Variants in PRPF6 observed in about 807,000 individuals in gnomAD.
The protein encoded by PRPF6 is pre-mRNA-processing factor 6.
A neutral mutation model predicts 118.3 loss-of-function variants in PRPF6; 42 were observed. That is an observed-to-expected ratio of 0.35 (90% confidence interval 0.28 to 0.46). The LOEUF is 0.46. PRPF6 is among the 20% of genes least tolerant of loss of function. The probability of loss-of-function intolerance (pLI) is 1.00; values close to 1 mark genes in which losing one functional copy is unlikely to be tolerated. For missense variants in PRPF6, 662 were observed against 1,255.7 expected, an observed-to-expected ratio of 0.53 and a Z score of 7.15; for synonymous variants, 481 against 485.1, an observed-to-expected ratio of 0.99 and a Z score of 0.11.
rs752627203 is a variant in PRPF6, at chr20:64,028,577, G to T, written c.2431+8G>T. ...AGGAGTGCCCCAACTCCGGTAAGGG[G>T]GTGCCCCGACTCCGGTAAGGGGGTG... On this transcript the variant is annotated splice_region_variant and intron_variant, in intron 18 of 20. Coordinates refer to ENST00000266079, the MANE Select transcript of PRPF6 (RefSeq NM_012469.4). This position sits in a 1 kb window ranked among gnomAD's most constrained non-coding sequence, Gnocchi z 6.5. 2.5e-5 allele frequency: 40 copies of T among 1,608,436 alleles called. No individual in the cohort carries two copies. Among genetic ancestry groups the T allele is most frequent in the Non-Finnish European group, 3.2e-5 (38 of 1,177,622 alleles).
rs763145764 is a variant in PRPF6, at chr20:64,026,894, T to C, written c.2029-88T>C. Reference sequence around the variant, plus strand: ...AAGCTTACAAAAGTACACACAGTACTGCAGGTAACAGTGTTGAGGATGAGT... The same window carrying C: ...AAGCTTACAAAAGTACACACAGTACCGCAGGTAACAGTGTTGAGGATGAGT... On this transcript the variant is annotated intron_variant, in intron 15 of 20. Coordinates refer to ENST00000266079, the MANE Select transcript of PRPF6 (RefSeq NM_012469.4). The surrounding 1 kb of genome is among the most constrained non-coding windows in gnomAD (Gnocchi z 4.4). 3 of 1,329,428 alleles carry C rather than the reference T, an allele frequency of 2.3e-6. No homozygotes were observed. Among genetic ancestry groups the C allele is most frequent in the Non-Finnish European group, 3.2e-6 (3 of 923,354 alleles). 82.4% of individuals were successfully genotyped at this position (1,329,428 alleles called of 1,614,324 possible). A position where few individuals can be genotyped will look rare whatever the true frequency, so the allele number is the denominator to read the frequency against.
chr20:63,995,597 C>T (rs1007031776), intron 6 of PRPF6, 115 bp downstream of exon 6: 28 of 1,147,662 alleles, frequency 2.4e-5, no homozygotes, highest in Non-Finnish European at 3.5e-5. Flanking sequence ...TCTCCTCCTC[C>T]TCCTTCTTCT....
At chr20:64,015,239 G>A (rs2059231784) in intron 11 of PRPF6, among the ~76,000 whole-genome samples, 1 of 152,226 alleles carries the variant, frequency 6.6e-6, no homozygotes, top group Non-Finnish European at 1.5e-5. Flanking sequence ...GTCCATGGAG[G>A]AAGAGCCAGC....
At chr20:63,992,316 C>CA (rs2059122184) in intron 3 of PRPF6, among the ~76,000 whole-genome samples, 1 of 152,056 alleles carries the variant, frequency 6.6e-6, no homozygotes, top group African/African-American at 2.4e-5. Flanking sequence ...GGCTGGAGTG[C>CA]AATGGCATGA....
chr20:63,984,800 T>C (rs892701165), intron 2 of PRPF6, 107 bp from the exon 3 acceptor site: 6 of 843,594 alleles, frequency 7.1e-6, no homozygotes, highest in Non-Finnish European at 1.2e-5. Flanking sequence ...CTTCGTTGGC[T>C]GAAGAAAATA....
Position 63,993,486 on chromosome 20 carries a change from G to T in PRPF6, c.438+1G>T, listed in dbSNP as rs113843649. On this transcript the variant is annotated splice_donor_variant, in intron 4 of 20. Coordinates refer to ENST00000266079, the MANE Select transcript of PRPF6 (RefSeq NM_012469.4). LOFTEE classifies it high-confidence loss of function. Reference sequence around the variant, plus strand: ...CCAACAGCAGTTCTCAGACCTCAAGGTGAGCCGATGAAGCGGTGAATGGTG... The same window carrying T: ...CCAACAGCAGTTCTCAGACCTCAAGTTGAGCCGATGAAGCGGTGAATGGTG... 3 of 1,608,982 alleles carry T rather than the reference G, an allele frequency of 1.9e-6. No homozygotes were observed. The highest frequency in any genetic ancestry group is 2.6e-6 in the Non-Finnish European group (3 of 1,175,786).
chr20:64,031,621 C>T lies in PRPF6; in HGVS notation c.2547-297C>T, dbSNP rs190352334. Among the ~76,000 whole-genome samples the T allele has an allele frequency of 8.8e-4, 129 of 146,446 alleles. 2 individuals are homozygous for T. In the East Asian group the frequency reaches 0.019, roughly 22 times the overall value. ...CTGGGAGGCAGAGCTTGCAGTGAGT[C>T]GAGATCGCGCCACTGCACTCCAGCC... On this transcript the variant is annotated intron_variant, in intron 19 of 20. Coordinates refer to ENST00000266079, the MANE Select transcript of PRPF6 (RefSeq NM_012469.4).
At chr20:64,025,553 A>G (rs1272200174) in intron 14 of PRPF6, among the ~76,000 whole-genome samples, 1 of 152,228 alleles carries the variant, frequency 6.6e-6, no homozygotes, top group African/African-American at 2.4e-5. Flanking sequence ...CCCTTCATCA[A>G]GCTCAGGGGA....
At chr20:64,016,383 C>T (rs545250919) in intron 11 of PRPF6, among the ~76,000 whole-genome samples, 4 of 152,064 alleles carry the variant, frequency 2.6e-5, no homozygotes, top group African/African-American at 7.2e-5. Context: ...CTCGACCTCC[C>T]AAAGTGCTGG....
At chr20:63,986,345 CAA>C (rs931360870) in intron 3 of PRPF6, among the ~76,000 whole-genome samples, 27 of 45,342 alleles carry the variant, frequency 6.0e-4, no homozygotes, top group East Asian at 3.5e-3. Context: ...GACTCCATCT[CAA>C]AAAAAAAAAA....
In PRPF6 at chr20:64,028,083, C is replaced by T. The variant is rs1352502670; in HGVS notation, c.2339+347C>T. On this transcript the variant is annotated intron_variant, in intron 17 of 20. Coordinates refer to ENST00000266079, the MANE Select transcript of PRPF6 (RefSeq NM_012469.4). The surrounding 1 kb of genome is among the most constrained non-coding windows in gnomAD (Gnocchi z 6.5). ...GAGAGCCCTGGAGGTGGACAGGAGCCTGCTAGGTGCAGGCTCTGTTCATGG... is the reference window on the plus strand; with the variant it reads ...GAGAGCCCTGGAGGTGGACAGGAGCTTGCTAGGTGCAGGCTCTGTTCATGG... Among the ~76,000 whole-genome samples the T allele has an allele frequency of 1.3e-5, 2 of 152,172 alleles. No individual in the cohort carries two copies. Among genetic ancestry groups the T allele is most frequent in the African/African-American group, 4.8e-5 (2 of 41,440 alleles).
At chr20:64,031,663 A>C (rs1601535872) in intron 19 of PRPF6, among the ~76,000 whole-genome samples, 3 of 132,274 alleles carry the variant, frequency 2.3e-5, no homozygotes, top group South Asian at 2.4e-4. Context: ...ACAGAGCGAG[A>C]CTCCTTCTCA....
At chr20:64,010,470 C>T (rs539089379) in intron 10 of PRPF6, 152 bp downstream of exon 10, 34 of 725,282 alleles carry the variant, frequency 4.7e-5, no homozygotes, top group East Asian at 2.7e-4. Context: ...CCCAGGATGC[C>T]GTTCTGTACA....
chr20:63,989,188 T>C (rs998188559), intron 3 of PRPF6, among the ~76,000 whole-genome samples: 3 of 152,144 alleles, frequency 2.0e-5, no homozygotes, highest in African/African-American at 4.8e-5. Flanking sequence ...GATATCTATA[T>C]ACAGAAGAAT....
At chr20:64,003,780 A>G (rs2059178170) in intron 9 of PRPF6, among the ~76,000 whole-genome samples, 1 of 151,804 alleles carries the variant, frequency 6.6e-6, no homozygotes, top group African/African-American at 2.4e-5. Flanking sequence ...TTGTATTTTT[A>G]TTAGAGATGG....
At position 64,029,449 on chromosome 20, in the gene PRPF6, A is replaced by T; in HGVS notation, c.2504A>T (p.Lys835Met). ...QRRTKSVDAL[K>M]KCEHDPHVLL... is the part of the protein sequence containing the mutation. ...AGGACCAAGAGCGTGGATGCCCTGA[A>T]GAAGTGTGAGCATGACCCCCATGTG... is the stretch of plus-strand genomic sequence containing the variant. The change falls in exon 19 of 21, where the codon AAG (lysine) becomes ATG (methionine). Residue 835 changes from lysine (K) to methionine (M), a missense_variant. Around this residue, in one of 10 missense-constraint regions of PRPF6, gnomAD observed 244 missense variants for 383.7 expected, o/e 0.64. Coordinates refer to ENST00000266079, the MANE Select transcript of PRPF6 (RefSeq NM_012469.4). The surrounding 1 kb of genome is among the most constrained non-coding windows in gnomAD (Gnocchi z 4.8). The T allele has an allele frequency of 6.2e-7, 1 of 1,614,200 alleles. No homozygotes were observed. The highest frequency in any genetic ancestry group is 1.3e-5 in the African/African-American group (1 of 75,072).
At chr20:64,022,051 G>T (rs576312839) in intron 12 of PRPF6, among the ~76,000 whole-genome samples, 2 of 152,186 alleles carry the variant, frequency 1.3e-5, no homozygotes, top group African/African-American at 4.8e-5. Flanking sequence ...CCACAGCCCT[G>T]TGTGTGCATG....
chr20:64,003,424 A>T (rs2059176461), intron 9 of PRPF6, among the ~76,000 whole-genome samples: 1 of 152,150 alleles, frequency 6.6e-6, no homozygotes, highest in South Asian at 2.1e-4. Context: ...CCCCTTATCA[A>T]ATATAGTTTC....
At chr20:64,002,197 A>G (rs1161373977) in intron 9 of PRPF6, among the ~76,000 whole-genome samples, 1 of 146,162 alleles carries the variant, frequency 6.8e-6, no homozygotes, top group East Asian at 2.0e-4. Flanking sequence ...TTCTTTTTGT[A>G]TTTTTAGTAG....
Sources: gnomAD v4.1 joint callset for allele counts (sites outside exome capture counted in the v4.1 genomes callset) on GRCh38, gnomAD v4.1.1 for gene constraint, gnomAD v4.1.1 regional missense constraint, Gnocchi (gnomAD v3.1) non-coding constraint, MANE v1.5 for transcripts, NCBI Gene and HGNC (gene_info 2026-07-23, HGNC 2026-07-21) for gene names.